MAOB: variants seen among roughly 807,000 people sequenced by gnomAD.
MAOB encodes the protein monoamine oxidase B, also known as amine oxidase [flavin-containing] B.
A neutral mutation model predicts 41.9 loss-of-function variants in MAOB; 15 were observed. The observed-to-expected ratio is 0.36, with a 90% CI of 0.24 to 0.55. The LOEUF (loss-of-function observed/expected upper bound fraction) is 0.55, where lower values mean the gene tolerates loss of function less well. Among genes scored for constraint, MAOB ranks in the 20% least tolerant of loss-of-function variants. The pLI is 0.86. For missense variants in MAOB, 345 were observed against 398.7 expected (o/e 0.87, Z 1.15); for synonymous variants, 167 against 144.2 (o/e 1.16, Z -1.13).
intron 12 of MAOB, among the ~76,000 whole-genome samples, chrX:43,773,839 G>A (rs2034218566): frequency 1.8e-5 from 2 of 111,959 alleles, no homozygotes; most frequent in South Asian, 7.4e-4. Flanking sequence ...CAGCCATGTA[G>A]AACTGTAAGT....
rs148917035 is a variant in MAOB at position 43,815,858 on chromosome X, C to T, written c.280-12454G>A. Among the ~76,000 whole-genome samples, 734 of 112,102 alleles carry T rather than the reference C, an allele frequency of 6.5e-3. 8 individuals carry two copies. Among genetic ancestry groups the T allele is most frequent in the Non-Finnish European group, 9.7e-3 (515 of 53,222 alleles). ...TTACTATGACCCACTTCTAGGTATA[C>T]GCCCCAGAAAATGTTCTCCAAACAC... On this transcript the variant is annotated intron_variant, in intron 3 of 14. Coordinates refer to ENST00000378069, the MANE Select transcript of MAOB (RefSeq NM_000898.5).
chrX:43,813,437 CT>C (rs2034771872), intron 3 of MAOB, among the ~76,000 whole-genome samples: 1 of 112,203 alleles, frequency 8.9e-6, no homozygotes, highest in Non-Finnish European at 1.9e-5. Flanking sequence ...TCTTAAACAG[CT>C]TTATTGCAGC....
chrX:43,833,307 A>C (rs2035038572), intron 3 of MAOB, among the ~76,000 whole-genome samples: 1 of 110,895 alleles, frequency 9.0e-6, no homozygotes, highest in Non-Finnish European at 1.9e-5. Context: ...TGGTGGTTGC[A>C]GAGGCCAAGA....
intron 6 of MAOB, among the ~76,000 whole-genome samples, chrX:43,796,615 G>A (rs2034530593): frequency 9.0e-6 from 1 of 111,000 alleles, no homozygotes; most frequent in Non-Finnish European, 1.9e-5. Flanking sequence ...GGAGGAGGGG[G>A]AGAGAGAAGA....
chrX:43,853,267 CAAAAAAAA>C (rs397957481), intron 1 of MAOB, among the ~76,000 whole-genome samples: 1 of 26,446 alleles, frequency 3.8e-5, no homozygotes, highest in African/African-American at 1.5e-4. Context: ...GAGTCCGTCT[CAAAAAAAA>C]AAAAAAAAAA....
At chrX:43,812,139 C>G (rs1472966334) in intron 3 of MAOB, among the ~76,000 whole-genome samples, 1 of 112,147 alleles carries the variant, frequency 8.9e-6, no homozygotes, top group Non-Finnish European at 1.9e-5. Flanking sequence ...ACAAAATGAT[C>G]TCCAGTTCCA....
intron 1 of MAOB, among the ~76,000 whole-genome samples, chrX:43,865,672 T>A (rs896880292): frequency 9.0e-6 from 1 of 111,437 alleles, no homozygotes; most frequent in African/African-American, 3.3e-5. Context: ...GAGGTTTTCA[T>A]GAAAAATGTT....
At chrX:43,793,012 A>G (rs1265180143) in intron 8 of MAOB, among the ~76,000 whole-genome samples, 1 of 112,331 alleles carries the variant, frequency 8.9e-6, no homozygotes, top group Non-Finnish European at 1.9e-5. Context: ...AAAGAGAATT[A>G]AATCATGTTC....
chrX:43,822,891 C>CCATCAT (rs1054089488), intron 3 of MAOB, among the ~76,000 whole-genome samples: 3 of 110,715 alleles, frequency 2.7e-5, no homozygotes, highest in Non-Finnish European at 1.9e-5. Context: ...ACCACCATCA[C>CCATCAT]CATCATCATC....
chrX:43,864,991 G>T (rs1198477679), intron 1 of MAOB, among the ~76,000 whole-genome samples: 2 of 111,673 alleles, frequency 1.8e-5, no homozygotes, highest in African/African-American at 6.5e-5. Flanking sequence ...TCTTAAGAGG[G>T]TGATCCTCAA....
chrX:43,861,188 T>C (rs1463337361), intron 1 of MAOB, among the ~76,000 whole-genome samples: 1 of 112,371 alleles, frequency 8.9e-6, no homozygotes, highest in Non-Finnish European at 1.9e-5. Context: ...CGGGAGAATA[T>C]CTGGCATGTA....
intron 8 of MAOB, among the ~76,000 whole-genome samples, chrX:43,781,927 C>T (rs1035463119): frequency 8.9e-6 from 1 of 111,889 alleles, no homozygotes; most frequent in African/African-American, 3.3e-5. Context: ...AAAGAAGAGA[C>T]TGAACACTGA....
At chrX:43,801,560 T>A (rs2147138180) in intron 5 of MAOB, among the ~76,000 whole-genome samples, 1 of 112,356 alleles carries the variant, frequency 8.9e-6, no homozygotes, top group South Asian at 3.7e-4. Flanking sequence ...AAGAGCAGTG[T>A]GGCCTCTCCA....
intron 1 of MAOB, 62 bp from the exon 2 acceptor site, chrX:43,843,826 G>T: frequency 1.7e-6 from 2 of 1,178,709 alleles, no homozygotes; most frequent in Admixed American, 2.3e-5. Flanking sequence ...AGCTCCTCAT[G>T]CTAACAGCCA....
chrX:43,880,568 A>G (rs2035466790), intron 1 of MAOB, among the ~76,000 whole-genome samples: 1 of 112,678 alleles, frequency 8.9e-6, no homozygotes, highest in Non-Finnish European at 1.9e-5. Context: ...GGTTCTTAGA[A>G]CAATGCCTAT....
At position 43,820,314 on chromosome X, in the gene MAOB, T is replaced by C. The variant is rs1016892166; in HGVS notation, c.280-16910A>G. On this transcript the variant is annotated intron_variant, in intron 3 of 14. Transcript: ENST00000378069. ...AGCTCTAATATTCTAATTTAATTAATAAATCTATTGTGGTTTTTCACAGAC... is the reference window on the plus strand; with the variant it reads ...AGCTCTAATATTCTAATTTAATTAACAAATCTATTGTGGTTTTTCACAGAC... 4.4e-5 allele frequency among the ~76,000 whole-genome samples: 5 copies of C among 112,449 alleles called. No individual in the cohort carries two copies. The Admixed American group carries it at 4.7e-4, about 11-fold the overall frequency.
In MAOB at chrX:43,838,033, G is replaced by A. The variant is rs5952795; in HGVS notation, c.279+835C>T. ...GACCAGTGAGAAATCCTCAGGGGATGCTTTGATCTAAGAGGTTATTAGAAT... is the reference window on the plus strand; with the variant it reads ...GACCAGTGAGAAATCCTCAGGGGATACTTTGATCTAAGAGGTTATTAGAAT... On this transcript the variant is annotated intron_variant, in intron 3 of 14. Transcript: ENST00000378069. 792 of 326,396 alleles carry A rather than the reference G, an allele frequency of 2.4e-3. 3 individuals carry two copies. The highest frequency in any genetic ancestry group is 0.019 in the African/African-American group (724 of 37,660). The allele number at this position is 326,396 out of a possible 1,213,427, so 26.9% of individuals were successfully genotyped here. A position where few individuals can be genotyped will look rare whatever the true frequency, so the allele number is the denominator to read the frequency against.
intron 8 of MAOB, among the ~76,000 whole-genome samples, chrX:43,785,430 C>T (rs974153809): frequency 6.2e-5 from 7 of 112,634 alleles, no homozygotes; most frequent in African/African-American, 1.9e-4. Context: ...CTGGTTTGAT[C>T]TTCTATTCAG....
Position 43,871,531 on chromosome X carries a change from C to T in MAOB, c.46+10723G>A, listed in dbSNP as rs757003329. ...CCAGATAAGCATGTCTTTCTCAGCA[C>T]CCACCACCCCTCAGAACATTCACCT... On this transcript the variant is annotated intron_variant, in intron 1 of 14. Coordinates refer to ENST00000378069, the MANE Select transcript of MAOB (RefSeq NM_000898.5). Among the ~76,000 whole-genome samples, 12 of 103,349 alleles carry T rather than the reference C, an allele frequency of 1.2e-4. No homozygotes were observed. In the East Asian group the frequency reaches 3.5e-3, roughly 30 times the overall value. The allele number at this position is 103,349 out of a possible 115,157, so 89.7% of individuals were successfully genotyped here.
Sources: gnomAD v4.1 joint callset for allele counts (sites outside exome capture counted in the v4.1 genomes callset) on GRCh38, gnomAD v4.1.1 for gene constraint, MANE v1.5 for transcripts, NCBI Gene and HGNC (gene_info 2026-07-23, HGNC 2026-07-21) for gene names.